The following P2RY8 variants were observed in gnomAD, a reference collection of about 807,000 sequenced individuals.
P2RY8 encodes the protein P2Y receptor family member 8.
P2RY8 carries 6 observed loss-of-function variants against 10.0 expected under a neutral mutation model. The ratio of observed to expected loss-of-function variants is 0.60; its 90% CI spans 0.33 to 1.19. The LOEUF (loss-of-function observed/expected upper bound fraction) is 1.19, where lower values mean the gene tolerates loss of function less well. Ranked by LOEUF, P2RY8 falls within the 50% of genes most tolerant of loss-of-function variation. The probability of loss-of-function intolerance (pLI) is 0.04; values close to 1 mark genes in which losing one functional copy is unlikely to be tolerated. For synonymous variants in P2RY8, 276 were observed against 252.5 expected (o/e 1.09, Z -0.88); for missense variants, 456 against 542.0 (o/e 0.84, Z 1.58).
intron 1 of P2RY8, among the ~76,000 whole-genome samples, chrX:1,524,012 T>C (rs776092348): frequency 1.3e-5 from 2 of 152,298 alleles, no homozygotes; most frequent in Admixed American, 6.5e-5. Flanking sequence ...TTTTGTTATG[T>C]GAATTTCACC....
chrX:1,505,796 A>G (rs1458228622), intron 1 of P2RY8, among the ~76,000 whole-genome samples: 10 of 152,046 alleles, frequency 6.6e-5, no homozygotes, highest in African/African-American at 1.7e-4. Flanking sequence ...TCTCAAAAAC[A>G]AACAAACAAT....
intron 1 of P2RY8, among the ~76,000 whole-genome samples, chrX:1,528,169 G>C (rs1405454975): frequency 8.5e-5 from 13 of 152,234 alleles, no homozygotes; most frequent in Non-Finnish European, 1.6e-4. Context: ...AAGAGCTTGT[G>C]ATGGACATAT....
intron 1 of P2RY8, among the ~76,000 whole-genome samples, chrX:1,523,210 G>A (rs1391187509): frequency 7.2e-5 from 11 of 152,102 alleles, no homozygotes; most frequent in Non-Finnish European, 1.0e-4. Flanking sequence ...TGCAGTTGGA[G>A]GTAATGCCCC....
chrX:1,514,355 A>C lies in P2RY8; in HGVS notation c.-25+22566T>G, dbSNP rs757952571. Reference sequence around the variant, plus strand: ...CTTTCCTTTCCTTCCCTTCCCTTTTATTTTCCTTTTCCTTTTCCTTTCCCT... The same window carrying C: ...CTTTCCTTTCCTTCCCTTCCCTTTTCTTTTCCTTTTCCTTTTCCTTTCCCT... On this transcript the variant is annotated intron_variant, in intron 1 of 1. Transcript: ENST00000381297. Among the ~76,000 whole-genome samples, 611 of 82,660 alleles carry C rather than the reference A, an allele frequency of 7.4e-3. 14 individuals carry two copies. The highest frequency in any genetic ancestry group is 0.024 in the African/African-American group (546 of 22,290). 54.2% of individuals were successfully genotyped at this position (82,660 alleles called of 152,430 possible).
intron 1 of P2RY8, among the ~76,000 whole-genome samples, chrX:1,479,158 G>C (rs113749313): frequency 0.016 from 2,398 of 152,306 alleles, 28 homozygotes; most frequent in Non-Finnish European, 0.024. Flanking sequence ...TTTGTCTTTG[G>C]ATCTTTCCCC....
chrX:1,467,199 G>A (rs1438842874), intron 1 of P2RY8, among the ~76,000 whole-genome samples: 2 of 152,082 alleles, frequency 1.3e-5, no homozygotes, highest in Non-Finnish European at 2.9e-5. Context: ...CACACACTCC[G>A]AGTGCCAGGA....
intron 1 of P2RY8, among the ~76,000 whole-genome samples, chrX:1,475,079 G>T (rs1201679750): frequency 7.1e-6 from 1 of 140,028 alleles, no homozygotes; most frequent in Non-Finnish European, 1.5e-5. Flanking sequence ...AGATGAATAG[G>T]TGTATGCCTG....
intron 1 of P2RY8, among the ~76,000 whole-genome samples, chrX:1,525,790 C>G (rs1185009850): frequency 1.3e-5 from 2 of 151,862 alleles, no homozygotes; most frequent in Non-Finnish European, 2.9e-5. Context: ...ATCCATCCAT[C>G]CATTTATCCA....
At chrX:1,493,365 G>A (rs866455285) in intron 1 of P2RY8, among the ~76,000 whole-genome samples, 1 of 73,270 alleles carries the variant, frequency 1.4e-5, no homozygotes, top group East Asian at 5.5e-4. Flanking sequence ...GGAGGGGAGG[G>A]GGAGGGAGGA....
intron 1 of P2RY8, among the ~76,000 whole-genome samples, chrX:1,509,741 G>GTATCTGTCTATC (rs2092280999): frequency 1.8e-4 from 7 of 39,012 alleles, no homozygotes; most frequent in Admixed American, 6.3e-4. Flanking sequence ...ATCTATCTAT[G>GTATCTGTCTATC]TATCTATCTG....
rs141664504 is a variant in P2RY8, at chrX:1,506,217, T to C, written c.-25+30704A>G. Among the ~76,000 whole-genome samples the C allele has an allele frequency of 5.8e-3, 880 of 152,190 alleles. 20 individuals carry two copies. The highest frequency in any genetic ancestry group is 0.053 in the East Asian group (275 of 5,172). On this transcript the variant is annotated intron_variant, in intron 1 of 1. Coordinates refer to ENST00000381297, the MANE Select transcript of P2RY8 (RefSeq NM_178129.5). ...CATGTTGGCCAGGCTGGTCTCGAAC[T>C]CCTGACCTTAGACGACCCGCCTGCC... is the stretch of plus-strand genomic sequence containing the variant.
Position 1,465,983 on chromosome X carries a change from C to G in P2RY8, c.576G>C (p.Val192=). Residue 192 remains valine (V), a synonymous_variant, in exon 2 of 2, where the codon GTG becomes GTC. Coordinates refer to ENST00000381297, the MANE Select transcript of P2RY8 (RefSeq NM_178129.5). ...GCAGGATGAAGATGGTGAAGAGGAA[C>G]ACGGCCCACATGGCCACGCTGGGGA... is the stretch of plus-strand genomic sequence containing the variant. ...TMLPSVAMWA[V]FLFTIFILLF... The G allele has an allele frequency of 3.1e-6, 5 of 1,612,342 alleles. No homozygotes were observed. The highest frequency in any genetic ancestry group is 4.2e-6 in the Non-Finnish European group (5 of 1,179,784).
At chrX:1,495,021 T>A (rs2092102719) in intron 1 of P2RY8, among the ~76,000 whole-genome samples, 1 of 152,070 alleles carries the variant, frequency 6.6e-6, no homozygotes. Context: ...CCCGGCTGCG[T>A]ATTCACTATT....
intron 1 of P2RY8, among the ~76,000 whole-genome samples, chrX:1,527,744 T>G (rs1418809625): frequency 6.6e-6 from 1 of 152,124 alleles, no homozygotes; most frequent in Non-Finnish European, 1.5e-5. Flanking sequence ...CATCCATTCA[T>G]CCACTCTTCA....
At chrX:1,510,275 G>A (rs184303717) in intron 1 of P2RY8, among the ~76,000 whole-genome samples, 93 of 152,232 alleles carry the variant, frequency 6.1e-4, no homozygotes, top group African/African-American at 2.1e-3. Context: ...GGCTTAGAGC[G>A]TGATGGACTC....
intron 1 of P2RY8, among the ~76,000 whole-genome samples, chrX:1,516,031 A>C (rs1439272402): frequency 6.6e-6 from 1 of 150,632 alleles, no homozygotes; most frequent in Non-Finnish European, 1.5e-5. Flanking sequence ...AAAAAAAAAA[A>C]AAAAAAATAC....
chrX:1,480,338 C>T (rs1326357872), intron 1 of P2RY8, among the ~76,000 whole-genome samples: 14 of 151,378 alleles, frequency 9.2e-5, no homozygotes, highest in Admixed American at 9.2e-4. Context: ...CCCTCTGTCT[C>T]CTGAGCTGGA....
At chrX:1,524,593 CCAT>C (rs2092421432) in intron 1 of P2RY8, among the ~76,000 whole-genome samples, 1 of 102,820 alleles carries the variant, frequency 9.7e-6, no homozygotes, top group Non-Finnish European at 2.0e-5. Flanking sequence ...ATCCATCCAT[CCAT>C]TCATCCATCT....
At chrX:1,508,697 C>CCATT (rs2092257592) in intron 1 of P2RY8, among the ~76,000 whole-genome samples, 1 of 92,048 alleles carries the variant, frequency 1.1e-5, no homozygotes, top group African/African-American at 4.2e-5. Context: ...ATCCATCCAT[C>CCATT]CATCCATTCT....
Sources: allele counts gnomAD v4.1 joint callset (sites outside exome capture counted in the v4.1 genomes callset), GRCh38; gene constraint gnomAD v4.1.1; transcripts MANE v1.5; gene names NCBI Gene and HGNC (gene_info 2026-07-23, HGNC 2026-07-21).